RBFOX1: variants seen among roughly 807,000 people sequenced by gnomAD.
RBFOX1 encodes the protein RNA binding protein fox-1 homolog 1.
Under a neutral mutation model 57.7 loss-of-function variants are expected in RBFOX1, and 8 were observed. That is an observed-to-expected ratio of 0.14 (90% CI 0.08 to 0.25). RBFOX1 has a LOEUF of 0.25. Among genes scored for constraint, RBFOX1 ranks in the 10% least tolerant of loss-of-function variants. The probability of loss-of-function intolerance (pLI) is 1.00; values close to 1 mark genes in which losing one functional copy is unlikely to be tolerated. For synonymous variants in RBFOX1, 326 were observed against 222.4 expected (o/e 1.47, Z -4.15); for missense variants, 611 against 548.5 (o/e 1.11, Z -1.14).
chr16:7,061,022 C>CTGTGTGTGTGTGTGTGTG (rs112453963), intron 4 of RBFOX1, among the ~76,000 whole-genome samples: 4 of 150,520 alleles, frequency 2.7e-5, no homozygotes, highest in Non-Finnish European at 4.4e-5. Flanking sequence ...GTATGTTCTC[C>CTGTGTGTGTGTGTGTGTG]TGTGTGTGTG....
At chr16:5,611,798 C>CCACCCA (rs2047819304) in intron 3 of RBFOX1, among the ~76,000 whole-genome samples, 1 of 125,980 alleles carries the variant, frequency 7.9e-6, no homozygotes, top group Non-Finnish European at 1.7e-5. Context: ...ATCCATCCAC[C>CCACCCA]CACCCACCCA....
intron 4 of RBFOX1, among the ~76,000 whole-genome samples, chr16:7,377,833 C>G (rs1022113175): frequency 1.3e-5 from 2 of 152,104 alleles, no homozygotes; most frequent in African/African-American, 4.8e-5. Flanking sequence ...TTGAGAGTAA[C>G]AAGCACAGTG....
intron 3 of RBFOX1, among the ~76,000 whole-genome samples, chr16:6,806,243 T>G (rs1246538906): frequency 1.3e-5 from 2 of 152,196 alleles, no homozygotes. Flanking sequence ...GTATTTGTTT[T>G]AGAGATTTTT....
chr16:7,004,422 C>T (rs1275337645), intron 3 of RBFOX1, among the ~76,000 whole-genome samples: 1 of 152,094 alleles, frequency 6.6e-6, no homozygotes, highest in East Asian at 1.9e-4. Flanking sequence ...CCAAGCTGGT[C>T]AGCATTTGGC....
intron 1 of RBFOX1, among the ~76,000 whole-genome samples, chr16:5,402,733 C>G (rs377757816): frequency 2.6e-5 from 4 of 152,252 alleles, no homozygotes; most frequent in East Asian, 3.9e-4. Context: ...AAGAGACCCT[C>G]TTAAGTGTGT....
At chr16:5,721,590 C>A (rs2051937380) in intron 3 of RBFOX1, among the ~76,000 whole-genome samples, 1 of 152,150 alleles carries the variant, frequency 6.6e-6, no homozygotes, top group African/African-American at 2.4e-5. Flanking sequence ...CGTATGATGC[C>A]ACCTGGGAGT....
chr16:7,145,623 G>T (rs940913262), intron 4 of RBFOX1, among the ~76,000 whole-genome samples: 4 of 152,072 alleles, frequency 2.6e-5, no homozygotes, highest in Non-Finnish European at 5.9e-5. Context: ...GTTAGTGGGG[G>T]TATTTAGGAA....
At chr16:6,307,837 T>G (rs1378273502) in intron 1 of RBFOX1, among the ~76,000 whole-genome samples, 1 of 147,258 alleles carries the variant, frequency 6.8e-6, no homozygotes, top group Non-Finnish European at 1.5e-5. Flanking sequence ...TTTATATGTT[T>G]ATTTGGATTA....
At chr16:6,953,561 A>G (rs569630525) in intron 3 of RBFOX1, among the ~76,000 whole-genome samples, 2 of 152,098 alleles carry the variant, frequency 1.3e-5, no homozygotes, top group Non-Finnish European at 2.9e-5. Flanking sequence ...AATGTGTTGT[A>G]TCTTTAGTAG....
In RBFOX1 at chr16:7,604,002, C is replaced by G. The variant is rs546041502; in HGVS notation, c.623-3283C>G. On this transcript the variant is annotated intron_variant, in intron 9 of 15. Coordinates refer to ENST00000550418, the MANE Select transcript of RBFOX1 (RefSeq NM_018723.4). Reference sequence around the variant, plus strand: ...CTTGTCCAGGCAGAGATAGGAATGCCTTGGTCTGCAGTGGTGGCAATGGAG... The same window carrying G: ...CTTGTCCAGGCAGAGATAGGAATGCGTTGGTCTGCAGTGGTGGCAATGGAG... 3.9e-5 allele frequency among the ~76,000 whole-genome samples: 6 copies of G among 152,138 alleles called. No homozygotes were observed. The South Asian group carries it at 1.2e-3, about 32-fold the overall frequency.
intron 1 of RBFOX1, among the ~76,000 whole-genome samples, chr16:6,287,251 C>A (rs1230752745): frequency 1.3e-5 from 2 of 152,160 alleles, no homozygotes; most frequent in Non-Finnish European, 2.9e-5. Flanking sequence ...AACACAGTGA[C>A]TAATGACTAT....
At chr16:5,492,346 G>A (rs2042862955) in intron 2 of RBFOX1, among the ~76,000 whole-genome samples, 1 of 152,188 alleles carries the variant, frequency 6.6e-6, no homozygotes, top group African/African-American at 2.4e-5. Flanking sequence ...CTGCACGCCA[G>A]GTCCTGTGCT....
At chr16:7,692,396 C>G (rs1399384314) in intron 14 of RBFOX1, among the ~76,000 whole-genome samples, 2 of 152,094 alleles carry the variant, frequency 1.3e-5, no homozygotes, top group Non-Finnish European at 2.9e-5. Context: ...TGCTCCATCA[C>G]TAGATACCTT....
intron 4 of RBFOX1, among the ~76,000 whole-genome samples, chr16:7,087,853 A>G (rs1213186778): frequency 6.6e-6 from 1 of 152,024 alleles, no homozygotes; most frequent in Non-Finnish European, 1.5e-5. Context: ...ATGATGATGT[A>G]TTTGTGGGTA....
intron 1 of RBFOX1, among the ~76,000 whole-genome samples, chr16:6,284,873 G>C (rs898554462): frequency 6.6e-6 from 1 of 152,068 alleles, no homozygotes; most frequent in Non-Finnish European, 1.5e-5. Context: ...CTCATTAAAG[G>C]CTTATTAACT....
chr16:7,116,692 A>G (rs1370353537), intron 4 of RBFOX1, among the ~76,000 whole-genome samples: 2 of 152,178 alleles, frequency 1.3e-5, no homozygotes, highest in Non-Finnish European at 2.9e-5. Flanking sequence ...CCATTAGATT[A>G]TTCTGTTTAC....
chr16:6,379,102 T>G (rs936429113), intron 2 of RBFOX1, among the ~76,000 whole-genome samples: 4 of 151,902 alleles, frequency 2.6e-5, no homozygotes, highest in Admixed American at 2.0e-4. Flanking sequence ...AACTGGGTAT[T>G]TGAGTGGATG....
At chr16:6,948,809 C>A (rs1376497190) in intron 3 of RBFOX1, among the ~76,000 whole-genome samples, 2 of 152,160 alleles carry the variant, frequency 1.3e-5, no homozygotes, top group African/African-American at 2.4e-5. Context: ...TAATTTTAGC[C>A]TAAATCCTAG....
chr16:6,082,211 T>A (rs1348135284), intron 1 of RBFOX1, among the ~76,000 whole-genome samples: 2 of 141,178 alleles, frequency 1.4e-5, no homozygotes, highest in Non-Finnish European at 3.0e-5. Flanking sequence ...GATGGATCCT[T>A]ACTCTGTCAC....
Sources: gnomAD v4.1 joint callset for allele counts (sites outside exome capture counted in the v4.1 genomes callset) on GRCh38, gnomAD v4.1.1 for gene constraint, MANE v1.5 for transcripts, NCBI Gene and HGNC (gene_info 2026-07-23, HGNC 2026-07-21) for gene names.